The following SPRED2 variants were observed in gnomAD, a reference collection of about 807,000 sequenced individuals.
SPRED2 encodes the protein sprouty related EVH1 domain containing 2.
SPRED2 carries 47 observed loss-of-function variants against 43.0 expected under a neutral mutation model. The observed-to-expected ratio is 1.09, with a 90% confidence interval of 0.87 to 1.40. The LOEUF is 1.40. Among genes scored for constraint, SPRED2 ranks in the 40% most tolerant of loss-of-function variants. The pLI is 0.00. For synonymous variants in SPRED2, 225 were observed against 225.7 expected (o/e 1.00, Z 0.03); for missense variants, 561 against 586.4 (o/e 0.96, Z 0.45).
At chr2:65,323,025 C>T (rs180941610) in intron 4 of SPRED2, among the ~76,000 whole-genome samples, 7 of 152,246 alleles carry the variant, frequency 4.6e-5, no homozygotes, top group South Asian at 2.1e-4. Flanking sequence ...GACAGAGTCT[C>T]GCTCTGTCGC....
intron 1 of SPRED2, among the ~76,000 whole-genome samples, chr2:65,351,889 G>T (rs1674521961): frequency 6.6e-6 from 1 of 152,158 alleles, no homozygotes; most frequent in Non-Finnish European, 1.5e-5. Flanking sequence ...TTTAAAAGCG[G>T]ACTGCCCTGG....
chr2:65,412,566 T>A (rs1198941917), intron 1 of SPRED2, among the ~76,000 whole-genome samples: 1 of 152,224 alleles, frequency 6.6e-6, no homozygotes, highest in Non-Finnish European at 1.5e-5. Context: ...GTCATATGAC[T>A]GTTTAAGAGT....
intron 1 of SPRED2, among the ~76,000 whole-genome samples, chr2:65,419,650 C>G (rs1278408884): frequency 2.0e-5 from 3 of 151,654 alleles, no homozygotes; most frequent in Non-Finnish European, 4.4e-5. Flanking sequence ...AAATATATGC[C>G]AAACATCCAC....
chr2:65,309,156 CA>C (rs11334053), downstream of SPRED2, among the ~76,000 whole-genome samples: 45,441 of 137,952 alleles, frequency 0.33, 7,954 homozygotes, highest in East Asian at 0.76. Flanking sequence ...AACTCAGTCT[CA>C]AAAAAAAAAA....
At chr2:65,362,919 T>C (rs1674860214) in intron 1 of SPRED2, among the ~76,000 whole-genome samples, 1 of 149,922 alleles carries the variant, frequency 6.7e-6, no homozygotes. Flanking sequence ...CTCATGCCTG[T>C]AAACCCAGCA....
chr2:65,320,232 T>G (rs17030178), intron 4 of SPRED2, among the ~76,000 whole-genome samples: 5,926 of 152,280 alleles, frequency 0.039, 396 homozygotes, highest in African/African-American at 0.14. Context: ...AACATTGTAA[T>G]AAGCTCTCAG....
chr2:65,338,806 A>G (rs1376953130), intron 2 of SPRED2, among the ~76,000 whole-genome samples: 8 of 148,734 alleles, frequency 5.4e-5, no homozygotes, highest in African/African-American at 2.0e-4. Context: ...CCAGTCTGGA[A>G]AGTGAGGAGC....
intron 1 of SPRED2, among the ~76,000 whole-genome samples, chr2:65,354,762 A>C (rs1173038004): frequency 6.6e-6 from 1 of 152,214 alleles, no homozygotes; most frequent in Non-Finnish European, 1.5e-5. Context: ...ATAAAGGTTA[A>C]GGTTGTTCAA....
intron 1 of SPRED2, among the ~76,000 whole-genome samples, chr2:65,385,608 A>G (rs1675476913): frequency 6.6e-6 from 1 of 152,158 alleles, no homozygotes; most frequent in Admixed American, 6.5e-5. Flanking sequence ...GTGGGGAGAA[A>G]CCAGAGAGGA....
intron 1 of SPRED2, among the ~76,000 whole-genome samples, chr2:65,364,839 A>T (rs1207857839): frequency 6.6e-6 from 1 of 152,192 alleles, no homozygotes; most frequent in African/African-American, 2.4e-5. Context: ...TTCTGTCTTT[A>T]AAATAAAACA....
intron 1 of SPRED2, among the ~76,000 whole-genome samples, chr2:65,411,547 G>A (rs1676159509): frequency 6.6e-6 from 1 of 152,138 alleles, no homozygotes; most frequent in Non-Finnish European, 1.5e-5. Flanking sequence ...GCTACAACAG[G>A]GGACAAAAGT....
rs781402280 is a variant in SPRED2 at position 65,312,995 on chromosome 2, G to T, written c.*506C>A. The T allele has an allele frequency of 5.1e-6, 5 of 985,998 alleles. No homozygotes were observed. The highest frequency in any genetic ancestry group is 6.0e-6 in the Non-Finnish European group (5 of 830,320). 61.1% of individuals were successfully genotyped at this position (985,998 alleles called of 1,614,324 possible). On this transcript the variant is annotated 3_prime_UTR_variant, in exon 6 of 6. Coordinates refer to ENST00000356388, the MANE Select transcript of SPRED2 (RefSeq NM_181784.3). ...ACTGACTGCAGGCTGAGATACTTCT[G>T]TCGGGTTTCATCATTCTCACATCCC...
chr2:65,336,150 T>C (rs1360037919), intron 2 of SPRED2, among the ~76,000 whole-genome samples: 1 of 151,912 alleles, frequency 6.6e-6, no homozygotes, highest in Non-Finnish European at 1.5e-5. Flanking sequence ...AGCCCAGGAG[T>C]TTGAGACCAG....
chr2:65,411,691 T>C (rs893690740), intron 1 of SPRED2, among the ~76,000 whole-genome samples: 1 of 152,194 alleles, frequency 6.6e-6, no homozygotes, highest in Non-Finnish European at 1.5e-5. Flanking sequence ...TGGTGACTTG[T>C]TGGGTAAATA....
At chr2:65,329,317 C>T (rs187861546) in intron 4 of SPRED2, among the ~76,000 whole-genome samples, 1 of 152,228 alleles carries the variant, frequency 6.6e-6, no homozygotes, top group East Asian at 1.9e-4. Context: ...TGAAGGGGGA[C>T]CTGGTTTGTA....
At chr2:65,345,867 C>T (rs1188723401) in intron 1 of SPRED2, among the ~76,000 whole-genome samples, 1 of 152,174 alleles carries the variant, frequency 6.6e-6, no homozygotes, top group African/African-American at 2.4e-5. Context: ...GAGACCAATT[C>T]TAGCTTCTTT....
At position 65,313,191 on chromosome 2, in the gene SPRED2, C is replaced by G; in HGVS notation, c.*310G>C. 1 of 1,088,054 alleles carries G rather than the reference C, an allele frequency of 9.2e-7. No homozygotes were observed. The allele number at this position is 1,088,054 out of a possible 1,614,324, so 67.4% of individuals were successfully genotyped here. A position where few individuals can be genotyped will look rare whatever the true frequency, so the allele number is the denominator to read the frequency against. On this transcript the variant is annotated 3_prime_UTR_variant, in exon 6 of 6. Coordinates refer to ENST00000356388, the MANE Select transcript of SPRED2 (RefSeq NM_181784.3). ...GGGAGGAGGAAACAGGAAATCAACA[C>G]ATGGATGAGACAGTTAGCTTGGTTA... is the stretch of plus-strand genomic sequence containing the variant.
chr2:65,318,801 C>A (rs1420582861), intron 4 of SPRED2, among the ~76,000 whole-genome samples: 1 of 152,082 alleles, frequency 6.6e-6, no homozygotes, highest in Admixed American at 6.6e-5. Context: ...TGTGCACCAC[C>A]ACCCCTGGCT....
At chr2:65,409,859 C>A (rs1029916687) in intron 1 of SPRED2, among the ~76,000 whole-genome samples, 7 of 151,200 alleles carry the variant, frequency 4.6e-5, no homozygotes, top group Non-Finnish European at 1.0e-4. Context: ...TATGGTGAAA[C>A]CCTCTACTAA....
Sources: allele counts gnomAD v4.1 joint callset (sites outside exome capture counted in the v4.1 genomes callset), GRCh38; gene constraint gnomAD v4.1.1; transcripts MANE v1.5; gene names NCBI Gene and HGNC (gene_info 2026-07-23, HGNC 2026-07-21).